Variants in SUPT20H observed in about 807,000 individuals in gnomAD.
SUPT20H encodes transcription factor SPT20 homolog.
In SUPT20H, 82 loss-of-function variants were observed where a neutral mutation model predicts 122.8. The ratio of observed to expected loss-of-function variants is 0.67; its 90% CI spans 0.56 to 0.80. The LOEUF is 0.80. Among genes scored for constraint, SUPT20H ranks in the 30% least tolerant of loss-of-function variants. The probability of loss-of-function intolerance (pLI) is 0.00; values close to 1 mark genes in which losing one functional copy is unlikely to be tolerated. For missense variants in SUPT20H, 831 were observed against 921.6 expected, an observed-to-expected ratio of 0.90 and a Z score of 1.27; for synonymous variants, 291 against 313.0, an observed-to-expected ratio of 0.93 and a Z score of 0.74.
intron 23 of SUPT20H, chr13:37,013,576 TA>T: frequency 6.6e-6 from 1 of 151,890 alleles, no homozygotes; most frequent in Non-Finnish European, 1.5e-5. Flanking sequence ...TAGAGCTAGG[TA>T]AAGAGTTCCG....
intron 21 of SUPT20H, among the ~76,000 whole-genome samples, chr13:37,019,988 A>C (rs1297604796): frequency 6.6e-6 from 1 of 152,184 alleles, no homozygotes; most frequent in Non-Finnish European, 1.5e-5. Flanking sequence ...GGGGGTGACA[A>C]ACGTTTTCAA....
chr13:37,023,829 C>G, intron 19 of SUPT20H: 1 of 454,648 alleles, frequency 2.2e-6, no homozygotes, highest in Admixed American at 4.0e-5. Context: ...AATGTATACA[C>G]AGATACAGAA....
At chr13:37,053,108 T>G (rs2068101626) in intron 1 of SUPT20H, among the ~76,000 whole-genome samples, 1 of 152,224 alleles carries the variant, frequency 6.6e-6, no homozygotes, top group Non-Finnish European at 1.5e-5. Context: ...GAAGACGGTG[T>G]GGCAATTCCT....
chr13:37,038,318 A>G (rs1404320168), intron 9 of SUPT20H: 1 of 152,204 alleles, frequency 6.6e-6, no homozygotes, highest in Admixed American at 6.5e-5. Context: ...AAATTTTCCT[A>G]AGAATTTTCC....
At chr13:37,055,256 G>C (rs560512198) in intron 1 of SUPT20H, among the ~76,000 whole-genome samples, 86 of 152,026 alleles carry the variant, frequency 5.7e-4, no homozygotes, top group Admixed American at 9.2e-4. Flanking sequence ...TCACAGAATT[G>C]GAAAAAACTA....
intron 23 of SUPT20H, among the ~76,000 whole-genome samples, chr13:37,014,068 T>C (rs1226320453): frequency 6.6e-6 from 1 of 151,132 alleles, no homozygotes; most frequent in Non-Finnish European, 1.5e-5. Context: ...AGAAAACAAA[T>C]ACTAAGAAAT....
At position 37,040,568 on chromosome 13, in the gene SUPT20H, A is replaced by C; in HGVS notation, c.513+8T>G. 6.2e-7 allele frequency: 1 copy of C among 1,610,432 alleles called. No individual in the cohort carries two copies. The highest frequency in any genetic ancestry group is 8.5e-7 in the Non-Finnish European group (1 of 1,178,098). On this transcript the variant is annotated splice_region_variant and intron_variant, in intron 8 of 25. Transcript: ENST00000350612. Reference sequence around the variant, plus strand: ...CTAAAATAGTATTTCTTAATTAAACATCCTTACCTGCATTGTTGGACGTAA... The same window carrying C: ...CTAAAATAGTATTTCTTAATTAAACCTCCTTACCTGCATTGTTGGACGTAA...
chr13:37,033,310 G>A, intron 10 of SUPT20H, 139 bp downstream of exon 10: 1 of 1,038,352 alleles, frequency 9.6e-7, no homozygotes, highest in Admixed American at 2.7e-5. Flanking sequence ...AGACTAGCCT[G>A]GGCAACAAAG....
intron 19 of SUPT20H, chr13:37,023,179 A>G (rs1482744810): frequency 3.5e-6 from 3 of 850,010 alleles, no homozygotes; most frequent in Non-Finnish European, 4.6e-6. Flanking sequence ...CTTTCAGAAA[A>G]TTTATATATT....
At chr13:37,033,934 A>AT (rs2063869499) in intron 9 of SUPT20H, among the ~76,000 whole-genome samples, 1 of 151,918 alleles carries the variant, frequency 6.6e-6, no homozygotes, top group South Asian at 2.1e-4. Flanking sequence ...CATTTTGGTA[A>AT]TTTTTTTTGT....
Position 37,029,825 on chromosome 13 carries a change from A to G in SUPT20H, c.933T>C (p.Tyr311=), listed in dbSNP as rs373950063. ...ATTTGATAGACTTTTCCACTTTAGC[A>G]TATTTCTCCACCTAAACAATCAAAT... is the stretch of plus-strand genomic sequence containing the variant. ...AIPSEVDVEK[Y]AKVEKSIKSD... Residue 311 remains tyrosine (Y), a synonymous_variant, in exon 13 of 26, where the codon TAT becomes TAC. Coordinates refer to ENST00000350612, the MANE Select transcript of SUPT20H (RefSeq NM_001014286.3). The G allele has an allele frequency of 6.5e-5, 104 of 1,597,242 alleles. No homozygotes were observed. Among genetic ancestry groups the G allele is most frequent in the Non-Finnish European group, 7.8e-5 (92 of 1,172,912 alleles).
At chr13:37,048,921 A>C (rs2139078960) in intron 2 of SUPT20H, among the ~76,000 whole-genome samples, 1 of 146,600 alleles carries the variant, frequency 6.8e-6, no homozygotes, top group East Asian at 2.1e-4. Flanking sequence ...ATTCAAAAAA[A>C]TATACTGGCC....
At chr13:37,013,079 A>G (rs1199249023) in intron 23 of SUPT20H, 1 of 152,142 alleles carries the variant, frequency 6.6e-6, no homozygotes, top group African/African-American at 2.4e-5. Context: ...TCTTTTAGAA[A>G]TGCTGGCAAG....
intron 2 of SUPT20H, among the ~76,000 whole-genome samples, chr13:37,049,299 A>G (rs2139101118): frequency 6.6e-6 from 1 of 152,362 alleles, no homozygotes; most frequent in African/African-American, 2.4e-5. Context: ...TACTGTTACT[A>G]CATGTAAGGT....
chr13:37,033,593 A>G lies in SUPT20H; in HGVS notation c.568-5T>C. 1 of 1,612,858 alleles carries G rather than the reference A, an allele frequency of 6.2e-7. No homozygotes were observed. Among genetic ancestry groups the G allele is most frequent in the East Asian group, 2.2e-5 (1 of 44,824 alleles). ...CTCAAGCAAAAGTTTGTCTTCCTGAAATGTGTAAGAGCATATGTCAATACC... is the reference window on the plus strand; with the variant it reads ...CTCAAGCAAAAGTTTGTCTTCCTGAGATGTGTAAGAGCATATGTCAATACC... On this transcript the variant is annotated splice_region_variant and splice_polypyrimidine_tract_variant and intron_variant, in intron 9 of 25. Transcript: ENST00000350612.
At chr13:37,019,287 T>C (rs9566175) in intron 22 of SUPT20H, 55 bp downstream of exon 22, 139,575 of 1,374,980 alleles carry the variant, frequency 0.1, 9,063 homozygotes, top group East Asian at 0.32. Context: ...ATACATTGTT[T>C]AGAAAAAAAG....
At chr13:37,024,768 T>C (rs900378509) in intron 17 of SUPT20H, 1 of 183,532 alleles carries the variant, frequency 5.4e-6, no homozygotes, top group African/African-American at 2.4e-5. Context: ...TCCATACTTA[T>C]CTATTAAAGG....
At chr13:37,043,729 T>C (rs909799405) in intron 7 of SUPT20H, among the ~76,000 whole-genome samples, 2 of 151,726 alleles carry the variant, frequency 1.3e-5, no homozygotes, top group East Asian at 3.9e-4. Context: ...AATTCTGGTT[T>C]TCCTCTTCCT....
intron 14 of SUPT20H, 97 bp downstream of exon 14, chr13:37,028,051 G>A: frequency 8.3e-7 from 1 of 1,203,274 alleles, no homozygotes; most frequent in Non-Finnish European, 1.1e-6. Flanking sequence ...TTCCCAAAGA[G>A]AAATTTTTAT....
Sources: gnomAD v4.1 joint callset for allele counts (sites outside exome capture counted in the v4.1 genomes callset) on GRCh38, gnomAD v4.1.1 for gene constraint, MANE v1.5 for transcripts, NCBI Gene and HGNC (gene_info 2026-07-23, HGNC 2026-07-21) for gene names.